Variants in DNAJC13 observed in about 807,000 individuals in gnomAD.
DNAJC13 encodes dnaJ homolog subfamily C member 13.
A neutral mutation model predicts 290.5 loss-of-function variants in DNAJC13; 75 were observed. The observed-to-expected ratio is 0.26, with a 90% CI of 0.21 to 0.31. The LOEUF is 0.31. Ranked by LOEUF, DNAJC13 falls within the 10% of genes least tolerant of loss-of-function variation. The pLI, the probability that DNAJC13 is intolerant of heterozygous loss-of-function variation, is 1.00. For missense variants in DNAJC13, 2,260 were observed against 2,674.5 expected (o/e 0.85, Z 3.42); for synonymous variants, 862 against 892.0 (o/e 0.97, Z 0.60).
chr3:132,476,211 T>C (rs1031837311), intron 22 of DNAJC13, among the ~76,000 whole-genome samples: 8 of 152,234 alleles, frequency 5.3e-5, no homozygotes, highest in Non-Finnish European at 1.2e-4. Flanking sequence ...GCCCTAGACT[T>C]CATACTTCTA....
rs540135091 is a variant in DNAJC13 at position 132,538,679 on chromosome 3, A to T, written c.*397A>T. On this transcript the variant is annotated 3_prime_UTR_variant, in exon 56 of 56. Coordinates refer to ENST00000260818, the MANE Select transcript of DNAJC13 (RefSeq NM_015268.4). ...GCTAAGTCACTTTTCCCCAGGAAAG[A>T]ATATTTCCCTCTCCTGCATCAAGTC... The T allele has an allele frequency of 1.3e-3, 212 of 160,676 alleles. 3 individuals carry two copies. In the South Asian group the frequency reaches 0.023, roughly 17 times the overall value. 10.0% of individuals were successfully genotyped at this position (160,676 alleles called of 1,614,324 possible). A position where few individuals can be genotyped will look rare whatever the true frequency, so the allele number is the denominator to read the frequency against.
intron 55 of DNAJC13, among the ~76,000 whole-genome samples, chr3:132,533,333 C>CTTTT (rs1180651951): frequency 0.02 from 2,337 of 115,628 alleles, 78 homozygotes; most frequent in East Asian, 0.093. Flanking sequence ...TGCCCGCCCT[C>CTTTT]TTTTTTTTTT....
At chr3:132,479,206 G>A (rs764433772) in intron 24 of DNAJC13, 21 bp from the exon 25 acceptor site, 2 of 1,549,008 alleles carry the variant, frequency 1.3e-6, no homozygotes, top group Non-Finnish European at 1.8e-6. Flanking sequence ...CTTCTGACCA[G>A]ATTCTCATTT....
At chr3:132,453,124 T>G (rs1367606938) in intron 6 of DNAJC13, among the ~76,000 whole-genome samples, 174 bp from the exon 7 acceptor site, 2 of 152,220 alleles carry the variant, frequency 1.3e-5, no homozygotes, top group African/African-American at 2.4e-5. Flanking sequence ...TCCCAGACTT[T>G]ATTATTTTAA....
chr3:132,432,197 G>A (rs1939258056), intron 1 of DNAJC13, among the ~76,000 whole-genome samples: 1 of 151,824 alleles, frequency 6.6e-6, no homozygotes, highest in East Asian at 1.9e-4. Context: ...TTTTTGTTTT[G>A]TTTTGTTTTT....
chr3:132,524,434 A>G (rs1236632776), intron 51 of DNAJC13, among the ~76,000 whole-genome samples: 1 of 152,222 alleles, frequency 6.6e-6, no homozygotes, highest in Admixed American at 6.5e-5. Context: ...GACCTTGGGC[A>G]GTACCTCATG....
At chr3:132,446,835 A>G (rs1317186809) in intron 3 of DNAJC13, among the ~76,000 whole-genome samples, 2 of 152,102 alleles carry the variant, frequency 1.3e-5, no homozygotes, top group Non-Finnish European at 2.9e-5. Flanking sequence ...TTAGTTCTCT[A>G]TAATTTATAA....
chr3:132,528,118 G>A (rs982680527), intron 53 of DNAJC13, 71 bp from the exon 54 acceptor site: 57 of 1,580,368 alleles, frequency 3.6e-5, no homozygotes, highest in Non-Finnish European at 4.5e-5. Flanking sequence ...GGTCCTGGGG[G>A]TAAAATTATT....
intron 2 of DNAJC13, 49 bp downstream of exon 2, chr3:132,434,667 T>G (rs1269436098): frequency 1.4e-6 from 2 of 1,447,084 alleles, no homozygotes; most frequent in African/African-American, 2.8e-5. Context: ...TAAAATATTT[T>G]AAACATTACT....
At chr3:132,491,600 C>G (rs554793041) in intron 32 of DNAJC13, among the ~76,000 whole-genome samples, 1 of 152,190 alleles carries the variant, frequency 6.6e-6, no homozygotes, top group East Asian at 1.9e-4. Context: ...TGTGGAAACA[C>G]AGAAAAAGGA....
At chr3:132,462,250 A>G (rs916579374) in intron 15 of DNAJC13, among the ~76,000 whole-genome samples, 5 of 152,064 alleles carry the variant, frequency 3.3e-5, no homozygotes, top group Non-Finnish European at 5.9e-5. Context: ...TCTGTTTCCT[A>G]CTAATGTAAA....
rs1247425039 is a variant in DNAJC13, at chr3:132,492,620, G to A, written c.3825+5G>A. ...GATTGGCCAATTAAAGACCCGGTAA[G>A]TCAGCAGTTTAATTTGTGCCACCTT... On this transcript the variant is annotated splice_donor_5th_base_variant and intron_variant, in intron 33 of 55. Transcript: ENST00000260818. The A allele has an allele frequency of 6.2e-7, 1 of 1,612,724 alleles. No individual in the cohort carries two copies. The highest frequency in any genetic ancestry group is 8.5e-7 in the Non-Finnish European group (1 of 1,179,404).
Position 132,474,932 on chromosome 3 carries a change from G to T in DNAJC13, c.2292G>T (p.Arg764Ser). 1 of 1,536,072 alleles carries T rather than the reference G, an allele frequency of 6.5e-7. No homozygotes were observed. The highest frequency in any genetic ancestry group is 8.8e-7 in the Non-Finnish European group (1 of 1,136,204). ...IEANWDLFYY[R>S]FGQDHARSNL... ...ATTTCCTCATTATATGTATGTCTAG[G>T]TTTGGTCAAGACCATGCCAGGTCAA... The change falls in exon 22 of 56, where the codon AGG (arginine) becomes AGT (serine). Residue 764 changes from arginine (R) to serine (S), a missense_variant and splice_region_variant. This residue lies in a region of DNAJC13 where 762 missense variants were observed against 964.1 expected (regional missense o/e 0.79). Transcript: ENST00000260818.
Position 132,447,399 on chromosome 3 carries a change from G to A in DNAJC13, c.223G>A (p.Gly75Ser), listed in dbSNP as rs748673035. 1.2e-6 allele frequency: 2 copies of A among 1,608,790 alleles called. No homozygotes were observed. Among genetic ancestry groups the A allele is most frequent in the African/African-American group, 2.7e-5 (2 of 74,428 alleles). ...GGAGTTCAACCTCACATTTCGTAAA[G>A]GCAGTGGAAAAAAGTCAGAAACTTT... ...GTEFNLTFRK[G>S]SGKKSETLKF... The change falls in exon 4 of 56, where the codon GGC becomes AGC. Residue 75 changes from glycine (G) to serine (S), a missense_variant. Coordinates refer to ENST00000260818, the MANE Select transcript of DNAJC13 (RefSeq NM_015268.4).
chr3:132,505,619 A>G (rs558156648), intron 42 of DNAJC13, among the ~76,000 whole-genome samples: 11 of 152,310 alleles, frequency 7.2e-5, no homozygotes, highest in African/African-American at 2.2e-4. Flanking sequence ...TGTTGTTACC[A>G]CTTATATACA....
At chr3:132,495,486 A>G (rs1217057399) in intron 35 of DNAJC13, among the ~76,000 whole-genome samples, 2 of 152,174 alleles carry the variant, frequency 1.3e-5, no homozygotes, top group Non-Finnish European at 2.9e-5. Context: ...ATTCATTTGT[A>G]GGTTTTAGGT....
chr3:132,537,334 T>G, intron 55 of DNAJC13: 1 of 427,214 alleles, frequency 2.3e-6, no homozygotes, highest in Admixed American at 2.6e-5. Context: ...TCAATGTTCC[T>G]TAGTTGTTTG....
rs541768854 is a variant in DNAJC13, at chr3:132,441,007, A to G, written c.69-5468A>G. Among the ~76,000 whole-genome samples, 16 of 152,326 alleles carry G rather than the reference A, an allele frequency of 1.1e-4. No homozygotes were observed. The South Asian group carries it at 3.3e-3, about 32-fold the overall frequency. On this transcript the variant is annotated intron_variant, in intron 2 of 55. Transcript: ENST00000260818. ...CAGTTATCCTTAATTTCATTATTAG[A>G]TGGACTCAAATTTTAGTTCAAGTTA...
intron 20 of DNAJC13, among the ~76,000 whole-genome samples, chr3:132,469,777 CTT>C (rs1387701223): frequency 6.6e-6 from 1 of 151,532 alleles, no homozygotes; most frequent in Non-Finnish European, 1.5e-5. Flanking sequence ...GAAATAATAT[CTT>C]TTAAAATTTA....
Sources: allele counts gnomAD v4.1 joint callset (sites outside exome capture counted in the v4.1 genomes callset), GRCh38; gene constraint gnomAD v4.1.1; regional missense constraint gnomAD v4.1.1; transcripts MANE v1.5; gene names NCBI Gene and HGNC (gene_info 2026-07-23, HGNC 2026-07-21).